Variants in RBFOX1 observed in about 807,000 individuals in gnomAD.
RBFOX1 encodes RNA binding protein fox-1 homolog 1.
In RBFOX1, 8 loss-of-function variants were observed where a neutral mutation model predicts 57.7. That is an observed-to-expected ratio of 0.14 (90% confidence interval 0.08 to 0.25). The LOEUF is 0.25. RBFOX1 is among the 10% of genes least tolerant of loss of function. The probability of loss-of-function intolerance (pLI) is 1.00; values close to 1 mark genes in which losing one functional copy is unlikely to be tolerated. For missense variants in RBFOX1, 611 were observed against 548.5 expected (o/e 1.11, Z -1.14); for synonymous variants, 326 against 222.4 (o/e 1.47, Z -4.15).
chr16:5,425,318 C>A (rs926076678), intron 1 of RBFOX1, among the ~76,000 whole-genome samples: 3 of 152,100 alleles, frequency 2.0e-5, no homozygotes, highest in Non-Finnish European at 2.9e-5. Flanking sequence ...GTTGGCCAGG[C>A]TGGTCTCGGA....
intron 2 of RBFOX1, among the ~76,000 whole-genome samples, chr16:5,535,071 T>C (rs1386071): frequency 0.75 from 114,404 of 152,140 alleles, 43,415 homozygotes; most frequent in East Asian, 0.88. Flanking sequence ...TGGAGAGAGA[T>C]AAAAAATGTT....
At chr16:5,281,452 A>C (rs1225406293) in intron 1 of RBFOX1, among the ~76,000 whole-genome samples, 1 of 152,208 alleles carries the variant, frequency 6.6e-6, no homozygotes, top group Non-Finnish European at 1.5e-5. Flanking sequence ...TTTGGTCTAA[A>C]GTGCAGCTTA....
At chr16:7,149,664 G>A (rs559572175) in intron 4 of RBFOX1, among the ~76,000 whole-genome samples, 2 of 151,780 alleles carry the variant, frequency 1.3e-5, no homozygotes, top group East Asian at 3.9e-4. Flanking sequence ...TGCCCCCGCA[G>A]GCCTCCCAAA....
intron 4 of RBFOX1, among the ~76,000 whole-genome samples, chr16:7,252,921 C>T (rs942607106): frequency 6.6e-6 from 1 of 152,122 alleles, no homozygotes; most frequent in Non-Finnish European, 1.5e-5. Flanking sequence ...TCCAAAAATG[C>T]ATGTGTGTAA....
At position 5,507,640 on chromosome 16, in the gene RBFOX1, A is replaced by C. The variant is rs114566285; in HGVS notation, c.258+40386A>C. ...TTTGGAAATAGGGTCTTTGCAGTATAATCCAGTTAAGATGAGGTCATACTG... is the reference window on the plus strand; with the variant it reads ...TTTGGAAATAGGGTCTTTGCAGTATCATCCAGTTAAGATGAGGTCATACTG... On this transcript the variant is annotated intron_variant, in intron 2 of 2. Coordinates refer to the RBFOX1 transcript ENST00000585867. Among the ~76,000 whole-genome samples, 771 of 152,328 alleles carry C rather than the reference A, an allele frequency of 5.1e-3. 12 individuals are homozygous for C. The highest frequency in any genetic ancestry group is 0.018 in the African/African-American group (741 of 41,572).
intron 1 of RBFOX1, among the ~76,000 whole-genome samples, chr16:5,256,818 C>G (rs958737200): frequency 6.6e-6 from 1 of 151,910 alleles, no homozygotes; most frequent in South Asian, 2.1e-4. Flanking sequence ...CCTGTAGTCC[C>G]AACTACTCGG....
intron 4 of RBFOX1, among the ~76,000 whole-genome samples, chr16:7,067,277 A>G (rs2056289624): frequency 6.7e-6 from 1 of 148,668 alleles, no homozygotes; most frequent in Non-Finnish European, 1.5e-5. Flanking sequence ...AATCTGTGTT[A>G]GTTTTTTATT....
At chr16:5,755,053 C>T (rs1359680904) in intron 3 of RBFOX1, among the ~76,000 whole-genome samples, 10 of 38,952 alleles carry the variant, frequency 2.6e-4, no homozygotes, top group African/African-American at 8.0e-4. Flanking sequence ...GAGGTCCCTG[C>T]GGCCTTCCGC....
At chr16:6,599,820 C>CAAA (rs1290620353) in intron 2 of RBFOX1, among the ~76,000 whole-genome samples, 25 of 152,158 alleles carry the variant, frequency 1.6e-4, no homozygotes, top group Non-Finnish European at 7.4e-5. Flanking sequence ...TTAATGAGAG[C>CAAA]ACTTAGCTTA....
intron 4 of RBFOX1, among the ~76,000 whole-genome samples, chr16:7,083,538 G>A (rs142836734): frequency 1.2e-4 from 19 of 152,236 alleles, no homozygotes; most frequent in South Asian, 4.1e-4. Context: ...ACCCCTCACC[G>A]TGGATCAAAT....
intron 1 of RBFOX1, among the ~76,000 whole-genome samples, chr16:5,448,783 A>C (rs1321153349): frequency 2.6e-5 from 4 of 152,224 alleles, no homozygotes; most frequent in South Asian, 2.1e-4. Context: ...TTTGAGCACA[A>C]ATTCGGTGCC....
intron 4 of RBFOX1, among the ~76,000 whole-genome samples, chr16:7,161,582 A>T (rs1186685991): frequency 6.6e-6 from 1 of 152,166 alleles, no homozygotes; most frequent in East Asian, 1.9e-4. Context: ...CTGTGTACCT[A>T]CTAAGAATCA....
At chr16:6,022,842 A>G (rs948972931) in intron 1 of RBFOX1, among the ~76,000 whole-genome samples, 5 of 152,252 alleles carry the variant, frequency 3.3e-5, no homozygotes, top group African/African-American at 1.2e-4. Flanking sequence ...GTTTTTAGAA[A>G]GAATTTTAGT....
chr16:7,381,503 C>T (rs200213532), intron 4 of RBFOX1, among the ~76,000 whole-genome samples: 12 of 143,352 alleles, frequency 8.4e-5, no homozygotes, highest in East Asian at 5.9e-4. Context: ...CGTTCCCCCC[C>T]GCCTTTTTTT....
chr16:7,610,906 C>T (rs2057352327), intron 10 of RBFOX1, among the ~76,000 whole-genome samples: 1 of 152,128 alleles, frequency 6.6e-6, no homozygotes, highest in Admixed American at 6.5e-5. Flanking sequence ...TAAAATTTCC[C>T]CAGCTATAAA....
chr16:5,808,923 C>G (rs1485545211), intron 3 of RBFOX1, among the ~76,000 whole-genome samples: 2 of 152,120 alleles, frequency 1.3e-5, no homozygotes, highest in Non-Finnish European at 2.9e-5. Flanking sequence ...CCTTCTCCTG[C>G]CTAATTTCCG....
chr16:7,667,437 A>G (rs1300230174), intron 13 of RBFOX1, among the ~76,000 whole-genome samples: 2 of 151,938 alleles, frequency 1.3e-5, no homozygotes, highest in Non-Finnish European at 2.9e-5. Flanking sequence ...CCACTACCCT[A>G]CCTCCCTTGA....
chr16:6,742,927 C>A (rs555542017), intron 3 of RBFOX1, among the ~76,000 whole-genome samples: 1 of 151,910 alleles, frequency 6.6e-6, no homozygotes, highest in East Asian at 1.9e-4. Context: ...GAAATCTATA[C>A]GTGTAATAAA....
intron 4 of RBFOX1, among the ~76,000 whole-genome samples, chr16:7,195,773 C>G (rs1273026416): frequency 6.6e-6 from 1 of 152,060 alleles, no homozygotes; most frequent in African/African-American, 2.4e-5. Context: ...GACTGGTGTT[C>G]AACTCCTGAC....
Sources: gnomAD v4.1 joint callset for allele counts (sites outside exome capture counted in the v4.1 genomes callset) on GRCh38, gnomAD v4.1.1 for gene constraint, MANE v1.5 for transcripts, NCBI Gene and HGNC (gene_info 2026-07-23, HGNC 2026-07-21) for gene names.